TKT: variants seen among roughly 807,000 people sequenced by gnomAD.
TKT encodes the protein epididymis luminal protein 107.
In TKT, 47 loss-of-function variants were observed where a neutral mutation model predicts 63.9. The observed-to-expected ratio is 0.74, with a 90% CI of 0.58 to 0.94. The LOEUF (loss-of-function observed/expected upper bound fraction) is 0.94. Ranked by LOEUF, TKT falls within the 40% of genes least tolerant of loss-of-function variation. TKT has a pLI of 0.00. For synonymous variants in TKT, 338 were observed against 334.1 expected (o/e 1.01, Z -0.13); for missense variants, 721 against 846.2 (o/e 0.85, Z 1.84).
intron 4 of TKT, 26 bp downstream of exon 4, chr3:53,240,225 T>C (rs1559653783): frequency 5.0e-6 from 8 of 1,599,072 alleles, no homozygotes; most frequent in Non-Finnish European, 6.8e-6. Context: ...ACTACCCAGG[T>C]TGGGGGTGGG....
intron 1 of TKT, among the ~76,000 whole-genome samples, chr3:53,254,533 G>T (rs1334409521): frequency 1.3e-5 from 2 of 152,208 alleles, no homozygotes; most frequent in African/African-American, 4.8e-5. Context: ...AATATATCCT[G>T]AATGAAATTG....
rs1218486098 is a variant in TKT, at chr3:53,225,546, C to T, written c.*210G>A. ...GACTTGGGACACCCAGGTCCTGGCC[C>T]AGGACCAAGGACACCAGCCTCCCTA... On this transcript the variant is annotated 3_prime_UTR_variant, in exon 14 of 14. Coordinates refer to ENST00000462138, the MANE Select transcript of TKT (RefSeq NM_001064.4). The T allele has an allele frequency of 4.0e-6, 2 of 494,078 alleles. No homozygotes were observed. Among genetic ancestry groups the T allele is most frequent in the African/African-American group, 2.0e-5 (1 of 50,892 alleles). The allele number at this position is 494,078 out of a possible 1,614,324, so 30.6% of individuals were successfully genotyped here. A position where few individuals can be genotyped will look rare whatever the true frequency, so the allele number is the denominator to read the frequency against.
Position 53,233,195 on chromosome 3 carries a change from C to CTGT in TKT, c.706_708dup (p.Thr236dup). The CTGT allele has an allele frequency of 6.2e-7, 1 of 1,613,958 alleles. No homozygotes were observed. Among genetic ancestry groups the CTGT allele is most frequent in the Non-Finnish European group, 8.5e-7 (1 of 1,179,956 alleles). On this transcript the variant is annotated inframe_insertion, in exon 6 of 14. Transcript: ENST00000462138. ...CCCTTGAAGGTCTTGGCAATGATGG[C>CTGT]TGTTGGCTGGTGCTTGGCCTGGCCA...
In TKT at chr3:53,231,501, C is replaced by A; in HGVS notation, c.798G>T (p.Met266Ile). The A allele has an allele frequency of 6.2e-7, 1 of 1,614,080 alleles. No homozygotes were observed. Among genetic ancestry groups the A allele is most frequent in the South Asian group, 1.1e-5 (1 of 91,080 alleles). ...AGATCTCCTGGATGATCTGCTCAGC[C>A]ATGTTTTTGGGGAGGGGCTTCCCAT... ...SWHGKPLPKN[M>I]AEQIIQEIYS... Residue 266 changes from methionine (M) to isoleucine (I), a missense_variant, in exon 7 of 14, where the codon ATG becomes ATT. Coordinates refer to ENST00000462138, the MANE Select transcript of TKT (RefSeq NM_001064.4).
At chr3:53,239,931 A>G (rs2106699350) in intron 4 of TKT, among the ~76,000 whole-genome samples, 1 of 152,144 alleles carries the variant, frequency 6.6e-6, no homozygotes, top group African/African-American at 2.4e-5. Context: ...TGGGGGCAAA[A>G]CAGGAAGTCC....
At chr3:53,245,341 C>A (rs1446844189) in intron 1 of TKT, among the ~76,000 whole-genome samples, 2 of 151,586 alleles carry the variant, frequency 1.3e-5, no homozygotes, top group Non-Finnish European at 2.9e-5. Context: ...TCTCCACTCC[C>A]CTCCAGGACA....
chr3:53,237,035 A>C (rs887341794), intron 4 of TKT, among the ~76,000 whole-genome samples: 1 of 152,232 alleles, frequency 6.6e-6, no homozygotes, highest in African/African-American at 2.4e-5. Flanking sequence ...ACAACAAAGG[A>C]CTGGCTAGAT....
At chr3:53,250,857 C>T (rs1450870572) in intron 1 of TKT, among the ~76,000 whole-genome samples, 1 of 152,144 alleles carries the variant, frequency 6.6e-6, no homozygotes, top group Non-Finnish European at 1.5e-5. Flanking sequence ...TCATAACTCA[C>T]TGCAGCCTTG....
At chr3:53,232,431 G>C in intron 6 of TKT, 1 of 398,930 alleles carries the variant, frequency 2.5e-6, no homozygotes, top group Admixed American at 4.4e-5. Flanking sequence ...AGAGCAGGCA[G>C]GTGGGCAGCC....
intron 6 of TKT, 66 bp downstream of exon 6, chr3:53,233,090 A>G: frequency 1.4e-6 from 2 of 1,379,360 alleles, no homozygotes; most frequent in Non-Finnish European, 1.0e-6. Flanking sequence ...TGTGCGGGTC[A>G]GAGCTACGTA....
intron 1 of TKT, among the ~76,000 whole-genome samples, chr3:53,248,180 T>C (rs1705597144): frequency 6.6e-6 from 1 of 152,222 alleles, no homozygotes; most frequent in Non-Finnish European, 1.5e-5. Context: ...TATTAGACTA[T>C]GCTTCATTCG....
intron 6 of TKT, chr3:53,232,141 TAG>T (rs1377986737): frequency 6.5e-4 from 253 of 389,734 alleles, no homozygotes; most frequent in Middle Eastern, 6.4e-4. Flanking sequence ...CAGTAGTCAC[TAG>T]AGTCTGGCCA....
intron 1 of TKT, among the ~76,000 whole-genome samples, chr3:53,253,305 T>G (rs1553681876): frequency 2.0e-5 from 3 of 151,874 alleles, no homozygotes; most frequent in Non-Finnish European, 4.4e-5. Context: ...TTTCTTTCTC[T>G]CTCTCTCTCT....
chr3:53,241,054 C>T (rs1705248291), intron 3 of TKT, 78 bp downstream of exon 3: 1 of 1,289,648 alleles, frequency 7.8e-7, no homozygotes, highest in Non-Finnish European at 1.0e-6. Context: ...TCAGTGGGCA[C>T]CCCCTACCCC....
intron 4 of TKT, among the ~76,000 whole-genome samples, chr3:53,239,365 G>C (rs2106698044): frequency 6.6e-6 from 1 of 152,220 alleles, no homozygotes; most frequent in Non-Finnish European, 1.5e-5. Context: ...CTAGGGTGCA[G>C]TGGCTCAATC....
rs573084207 is a variant in TKT, at chr3:53,240,277, G to A, written c.411C>T (p.Tyr137=). The part of the protein sequence containing the change: ...QGLGAACGMA[Y]TGKYFDKASY... ...TGGCCTTGTCGAAGTATTTGCCGGT[G>A]TAGGCCATCCCACAAGCGGCCCCGA... is the stretch of plus-strand genomic sequence containing the variant. The change falls in exon 4 of 14, where the codon TAC becomes TAT. Residue 137 remains tyrosine, a synonymous_variant. Coordinates refer to ENST00000462138, the MANE Select transcript of TKT (RefSeq NM_001064.4). 2.5e-6 allele frequency: 4 copies of A among 1,613,526 alleles called. No homozygotes were observed. The highest frequency in any genetic ancestry group is 2.2e-5 in the East Asian group (1 of 44,858).
rs1459841351 is a variant in TKT, at chr3:53,241,218, C to A, written c.253G>T (p.Val85Phe). 1.2e-6 allele frequency: 2 copies of A among 1,601,402 alleles called. No homozygotes were observed. Among genetic ancestry groups the A allele is most frequent in the Non-Finnish European group, 1.7e-6 (2 of 1,175,384 alleles). ...GCCAGGAAACCAGCTTCAGCCCAGA[C>A]CGCGTAGAGGATGGGAGCTGCATGG... is the stretch of plus-strand genomic sequence containing the variant. ...KGHAAPILYA[V>F]WAEAGFLAEA... is the part of the protein sequence containing the mutation. Residue 85 changes from valine to phenylalanine, a missense_variant, in exon 3 of 14, where the codon GTC becomes TTC. Coordinates refer to ENST00000462138, the MANE Select transcript of TKT (RefSeq NM_001064.4).
chr3:53,231,360 G>A lies in TKT; in HGVS notation c.939C>T (p.Asp313=), dbSNP rs1194427331. The change falls in exon 7 of 14, where the codon GAC becomes GAT. Residue 313 remains aspartate (D), a synonymous_variant. Transcript: ENST00000462138. ...AGAAACAGGCCCCACTTTGTACCTT[G>A]TCCCCAACTTTGTAGCTGGGCAGGC... ...MPSLPSYKVG[D]KIATRKAYGQ... 2 of 1,612,984 alleles carry A rather than the reference G, an allele frequency of 1.2e-6. No individual in the cohort carries two copies. The highest frequency in any genetic ancestry group is 1.7e-6 in the Non-Finnish European group (2 of 1,179,978).
At position 53,252,844 on chromosome 3, in the gene TKT, C is replaced by CTT. The variant is rs200846216; in HGVS notation, c.107+2990_107+2991dup. On this transcript the variant is annotated intron_variant, in intron 1 of 13. Transcript: ENST00000462138. ...ACAGACTGCTTGCCCAAGAGGCATT[C>CTT]TTTTTTTTTTTTGAGAAGAAGTTTC... 1.4e-3 allele frequency among the ~76,000 whole-genome samples: 210 copies of CTT among 147,646 alleles called. 2 individuals are homozygous for CTT. In the East Asian group the frequency reaches 0.024, roughly 17 times the overall value.
Sources: allele counts gnomAD v4.1 joint callset (sites outside exome capture counted in the v4.1 genomes callset), GRCh38; gene constraint gnomAD v4.1.1; transcripts MANE v1.5; gene names NCBI Gene and HGNC (gene_info 2026-07-23, HGNC 2026-07-21).